Variants in LOXL4 observed in about 807,000 individuals in gnomAD.
LOXL4 encodes the protein lysyl oxidase like 4.
LOXL4 carries 72 observed loss-of-function variants against 89.1 expected under a neutral mutation model. The observed-to-expected ratio is 0.81, with a 90% CI of 0.67 to 0.98. The LOEUF (loss-of-function observed/expected upper bound fraction) is 0.98. Among genes scored for constraint, LOXL4 ranks in the 50% least tolerant of loss-of-function variants. The pLI is 0.00. For synonymous variants in LOXL4, 355 were observed against 392.1 expected (o/e 0.91, Z 1.12); for missense variants, 984 against 1,017.5 (o/e 0.97, Z 0.45).
intron 14 of LOXL4, 135 bp downstream of exon 14, chr10:98,250,930 T>C: frequency 3.0e-6 from 2 of 658,388 alleles, no homozygotes; most frequent in Non-Finnish European, 2.7e-6. Context: ...GAAATGCATC[T>C]CTGTTCCATC....
chr10:98,256,883 C>T lies in LOXL4; in HGVS notation c.1325G>A (p.Gly442Glu). 4 of 1,614,212 alleles carry T rather than the reference C, an allele frequency of 2.5e-6. No individual in the cohort carries two copies. Among genetic ancestry groups the T allele is most frequent in the Non-Finnish European group, 2.5e-6 (3 of 1,180,044 alleles). Reference protein sequence around the residue: ...GLLEVQVEVNGVPRWGSVCSE... With the variant: ...GLLEVQVEVNEVPRWGSVCSE... ...GCACACGCTCCCCCAGCGTGGGACC[C>T]CGTTCACCTCCACCTGCACCTCCAA... The change falls in exon 9 of 15, where the codon GGG becomes GAG. Residue 442 changes from glycine to glutamate, a missense_variant. By Grantham distance (98) the Gly-to-Glu change is moderately conservative. Coordinates refer to ENST00000260702, the MANE Select transcript of LOXL4 (RefSeq NM_032211.7).
At position 98,248,989 on chromosome 10, in the gene LOXL4, T is replaced by A; in HGVS notation, c.2203A>T (p.Asn735Tyr). 6.2e-7 allele frequency: 1 copy of A among 1,613,728 alleles called. No homozygotes were observed. Residue 735 changes from asparagine to tyrosine, a missense_variant and splice_region_variant, in exon 15 of 15, where the codon AAT becomes TAT. Coordinates refer to ENST00000260702, the MANE Select transcript of LOXL4 (RefSeq NM_032211.7). ...AGTTCTGCATTGGCTGGGTATGAAT[T>A]CCCTGTGGGCCAAAGGAAAACAGGT... ...RVWLHNCHTG[N>Y]SYPANAELSL...
rs1564753928 is a variant in LOXL4, at chr10:98,248,569, G to C, written c.*352C>G. ...GACATTTGCAAAGCACCACTTAGAT[G>C]GGGGACTGGGCCATAGTCCATCCCT... On this transcript the variant is annotated 3_prime_UTR_variant, in exon 15 of 15. Transcript: ENST00000260702. The C allele has an allele frequency of 4.1e-6, 1 of 242,250 alleles. No homozygotes were observed. The highest frequency in any genetic ancestry group is 2.3e-5 in the African/African-American group (1 of 44,388). The allele number at this position is 242,250 out of a possible 1,614,324, so 15.0% of individuals were successfully genotyped here. A position where few individuals can be genotyped will look rare whatever the true frequency, so the allele number is the denominator to read the frequency against.
chr10:98,255,396 G>C (rs141332000), intron 10 of LOXL4, among the ~76,000 whole-genome samples, 181 bp downstream of exon 10: 4 of 152,164 alleles, frequency 2.6e-5, no homozygotes, highest in Non-Finnish European at 5.9e-5. Flanking sequence ...AACTCCGTGA[G>C]GGGGCAGGGT....
chr10:98,255,237 C>T (rs956420624), intron 10 of LOXL4, among the ~76,000 whole-genome samples: 1 of 152,230 alleles, frequency 6.6e-6, no homozygotes, highest in African/African-American at 2.4e-5. Flanking sequence ...TATGCTGTAA[C>T]CCAGTATACA....
rs1485451143 is a variant in LOXL4 at position 98,262,176 on chromosome 10, T to C, written c.315A>G (p.Thr105=). The C allele has an allele frequency of 6.2e-7, 1 of 1,613,806 alleles. No homozygotes were observed. Among genetic ancestry groups the C allele is most frequent in the East Asian group, 2.2e-5 (1 of 44,878 alleles). ...IWLDNVRCVG[T]ESSLDQCGSN... is the part of the protein sequence containing the mutation. ...ACCCGCACTGGTCCAAGGAGCTCTC[T>C]GTGCCCACACAGCGCACATTGTCCA... Residue 105 remains threonine, a synonymous_variant, in exon 3 of 15, where the codon ACA becomes ACG. Transcript: ENST00000260702.
chr10:98,251,089 C>A lies in LOXL4; in HGVS notation c.2176G>T (p.Val726Phe), dbSNP rs556627959. 6.2e-7 allele frequency: 1 copy of A among 1,614,076 alleles called. No homozygotes were observed. Among genetic ancestry groups the A allele is most frequent in the South Asian group, 1.1e-5 (1 of 91,060 alleles). Reference protein sequence around the residue: ...QCRCKYDGHRVWLHNCHTGNS... With the variant: ...QCRCKYDGHRFWLHNCHTGNS... ...CCTGTGTGGCAGTTGTGCAGCCAGA[C>A]CCGGTGCCCATCATACTTGCAGCGG... is the stretch of plus-strand genomic sequence containing the variant. Residue 726 changes from valine to phenylalanine, a missense_variant, in exon 14 of 15, where the codon GTC (valine) becomes TTC (phenylalanine). Coordinates refer to ENST00000260702, the MANE Select transcript of LOXL4 (RefSeq NM_032211.7).
intron 3 of LOXL4, among the ~76,000 whole-genome samples, chr10:98,261,463 C>T (rs570989966): frequency 1.3e-5 from 2 of 152,292 alleles, no homozygotes; most frequent in Admixed American, 1.3e-4. Flanking sequence ...ATGGAAGGGC[C>T]TTCTCTGTAC....
chr10:98,263,678 G>A (rs183867777), intron 1 of LOXL4, among the ~76,000 whole-genome samples: 77 of 151,784 alleles, frequency 5.1e-4, no homozygotes, highest in African/African-American at 1.8e-3. Context: ...GCTTGGGCAA[G>A]TCTCTTCAAC....
intron 10 of LOXL4, 150 bp from the exon 11 acceptor site, chr10:98,253,946 G>T: frequency 2.1e-6 from 2 of 958,580 alleles, no homozygotes; most frequent in Non-Finnish European, 3.1e-6. Flanking sequence ...GAGATGGTGA[G>T]TTCTAATAAC....
At position 98,248,890 on chromosome 10, in the gene LOXL4, C is replaced by A; in HGVS notation, c.*31G>T. ...CAATAAGCTGAGGTATCTGGTGTAT[C>A]GGCAGCAGCTAGGAGTGTGCAGTGA... On this transcript the variant is annotated 3_prime_UTR_variant, in exon 15 of 15. Transcript: ENST00000260702. The A allele has an allele frequency of 6.3e-7, 1 of 1,590,028 alleles. No homozygotes were observed. The highest frequency in any genetic ancestry group is 8.6e-7 in the Non-Finnish European group (1 of 1,161,106).
chr10:98,255,654 T>C lies in LOXL4; in HGVS notation c.1514A>G (p.Gln505Arg). The C allele has an allele frequency of 1.9e-6, 3 of 1,613,716 alleles. No individual in the cohort carries two copies. Among genetic ancestry groups the C allele is most frequent in the South Asian group, 1.1e-5 (1 of 91,080 alleles). ...CACCGGCCCGTGCCTCTGGCACTGCTGCAGGGCCAGCTCTGTGCCTGAGCA... is the reference window on the plus strand; with the variant it reads ...CACCGGCCCGTGCCTCTGGCACTGCCGCAGGGCCAGCTCTGTGCCTGAGCA... ...VRCSGTELAL[Q>R]QCQRHGPVHC... Residue 505 changes from glutamine (Q) to arginine (R), a missense_variant, in exon 10 of 15, where the codon CAG becomes CGG. Physicochemically the swap from Gln to Arg is conservative, Grantham distance 43 (BLOSUM62 1). Coordinates refer to ENST00000260702, the MANE Select transcript of LOXL4 (RefSeq NM_032211.7).
intron 2 of LOXL4, among the ~76,000 whole-genome samples, 179 bp downstream of exon 2, chr10:98,262,564 T>C (rs1389542465): frequency 6.6e-6 from 1 of 152,110 alleles, no homozygotes; most frequent in Non-Finnish European, 1.5e-5. Flanking sequence ...GTGGCCTTAT[T>C]ACAAGAGAGA....
intron 1 of LOXL4, among the ~76,000 whole-genome samples, chr10:98,265,964 A>G (rs1485756168): frequency 6.6e-6 from 1 of 151,668 alleles, no homozygotes; most frequent in African/African-American, 2.4e-5. Context: ...TCCCCCTCTG[A>G]CCCCTCCCAC....
intron 4 of LOXL4, among the ~76,000 whole-genome samples, chr10:98,259,784 C>T (rs974347245): frequency 6.6e-6 from 1 of 152,260 alleles, no homozygotes; most frequent in African/African-American, 2.4e-5. Flanking sequence ...GGGGGCGGCC[C>T]GCCCAGAGAC....
intron 5 of LOXL4, 30 bp from the exon 6 acceptor site, chr10:98,259,258 G>A (rs2135838229): frequency 6.3e-7 from 1 of 1,599,354 alleles, no homozygotes. Context: ...GAGGGTGGAG[G>A]AAGGGCTGAG....
At chr10:98,253,920 C>T (rs1030940745) in intron 10 of LOXL4, 124 bp from the exon 11 acceptor site, 4 of 1,236,636 alleles carry the variant, frequency 3.2e-6, no homozygotes, top group Non-Finnish European at 4.5e-6. Context: ...AAAAGAAGGG[C>T]AGTTTTAAGA....
Position 98,253,643 on chromosome 10 carries a change from A to G in LOXL4, c.1745T>C (p.Leu582Ser). ...ATTGTAGATCTGTGTGGAGAAGCGCAATAGGCGGCGGTATCCGTAGGGCCA... is the reference window on the plus strand; with the variant it reads ...ATTGTAGATCTGTGTGGAGAAGCGCGATAGGCGGCGGTATCCGTAGGGCCA... ...MDWPYGYRRL[L>S]RFSTQIYNLG... is the part of the protein sequence containing the mutation. The change falls in exon 11 of 15, where the codon TTG becomes TCG. Residue 582 changes from leucine to serine, a missense_variant. Leu to Ser is a moderately radical substitution (Grantham distance 145). Coordinates refer to ENST00000260702, the MANE Select transcript of LOXL4 (RefSeq NM_032211.7). The G allele has an allele frequency of 6.2e-7, 1 of 1,614,210 alleles. No individual in the cohort carries two copies. Among genetic ancestry groups the G allele is most frequent in the Non-Finnish European group, 8.5e-7 (1 of 1,180,028 alleles).
In LOXL4 at chr10:98,257,688, C is replaced by G. The variant is rs1858417193; in HGVS notation, c.1222G>C (p.Val408Leu). The G allele has an allele frequency of 7.4e-6, 12 of 1,614,088 alleles. No individual in the cohort carries two copies. Among genetic ancestry groups the G allele is most frequent in the Non-Finnish European group, 9.3e-6 (11 of 1,179,988 alleles). ...CCCATGTTAGGGACATTGCACCTGA[C>G]AGCAGCATCATTCTCATGTTGGCAA... ...NGCQHENDAA[V>L]RCNVPNMGFQ... is the part of the protein sequence containing the mutation. Residue 408 changes from valine (V) to leucine (L), a missense_variant, in exon 8 of 15, where the codon GTC (valine) becomes CTC (leucine). By Grantham distance (32) the Val-to-Leu change is conservative. Coordinates refer to ENST00000260702, the MANE Select transcript of LOXL4 (RefSeq NM_032211.7).
Sources: allele counts gnomAD v4.1 joint callset (sites outside exome capture counted in the v4.1 genomes callset), GRCh38; gene constraint gnomAD v4.1.1; transcripts MANE v1.5; gene names NCBI Gene and HGNC (gene_info 2026-07-23, HGNC 2026-07-21).